Variants in PPM1E observed in about 807,000 individuals in gnomAD.
PPM1E encodes the protein protein phosphatase, Mg2+/Mn2+ dependent 1E, also known as protein phosphatase 1E.
Under a neutral mutation model 65.9 loss-of-function variants are expected in PPM1E, and 20 were observed. The ratio of observed to expected loss-of-function variants is 0.30; its 90% confidence interval spans 0.21 to 0.44. PPM1E has a LOEUF of 0.44. Ranked by LOEUF, PPM1E falls within the 20% of genes least tolerant of loss-of-function variation. The probability of loss-of-function intolerance (pLI) is 1.00; values close to 1 mark genes in which losing one functional copy is unlikely to be tolerated. For synonymous variants in PPM1E, 352 were observed against 374.9 expected, an observed-to-expected ratio of 0.94 and a Z score of 0.70; for missense variants, 713 against 953.1, an observed-to-expected ratio of 0.75 and a Z score of 3.32.
chr17:58,948,084 C>T (rs2052186691), intron 1 of PPM1E, among the ~76,000 whole-genome samples: 1 of 152,112 alleles, frequency 6.6e-6, no homozygotes, highest in Non-Finnish European at 1.5e-5. Flanking sequence ...GGGGAAGCCA[C>T]GTGGCCTTTT....
chr17:58,856,062 T>C (rs903803204), intron 1 of PPM1E, among the ~76,000 whole-genome samples: 1 of 152,214 alleles, frequency 6.6e-6, no homozygotes, highest in Non-Finnish European at 1.5e-5. Flanking sequence ...TCCAGTGAAA[T>C]CAAACTTTTG....
intron 1 of PPM1E, among the ~76,000 whole-genome samples, chr17:58,940,690 G>A (rs768532628): frequency 4.8e-4 from 72 of 151,554 alleles, no homozygotes; most frequent in Non-Finnish European, 7.9e-4. Flanking sequence ...TACAATAAAG[G>A]TTTTCAGATC....
intron 1 of PPM1E, among the ~76,000 whole-genome samples, chr17:58,782,766 A>C (rs546349774): frequency 6.6e-6 from 1 of 152,198 alleles, no homozygotes; most frequent in South Asian, 2.1e-4. Flanking sequence ...AAAAGTGACA[A>C]ACATAAGTGT....
intron 1 of PPM1E, among the ~76,000 whole-genome samples, chr17:58,787,104 G>T (rs2050107862): frequency 6.6e-6 from 1 of 152,164 alleles, no homozygotes; most frequent in African/African-American, 2.4e-5. Flanking sequence ...AAATAGTTGT[G>T]TGCATAATCA....
intron 1 of PPM1E, among the ~76,000 whole-genome samples, chr17:58,824,831 A>G (rs1308409318): frequency 1.3e-5 from 2 of 150,246 alleles, no homozygotes; most frequent in African/African-American, 4.9e-5. Context: ...GATGGTCTCA[A>G]TCTCCTGACC....
chr17:58,959,530 T>A (rs1022540012), intron 2 of PPM1E, among the ~76,000 whole-genome samples: 1 of 144,718 alleles, frequency 6.9e-6, no homozygotes, highest in Non-Finnish European at 1.5e-5. Flanking sequence ...ACCTGGGAGG[T>A]GGAGCTTGCA....
In PPM1E at chr17:58,756,423, C is replaced by T; in HGVS notation, c.426C>T (p.Gly142=). 3 of 1,354,030 alleles carry T rather than the reference C, an allele frequency of 2.2e-6. No individual in the cohort carries two copies. The highest frequency in any genetic ancestry group is 2.7e-4 in the Middle Eastern group (1 of 3,694). The allele number at this position is 1,354,030 out of a possible 1,614,324, so 83.9% of individuals were successfully genotyped here. A position where few individuals can be genotyped will look rare whatever the true frequency, so the allele number is the denominator to read the frequency against. The part of the protein sequence containing the change: ...SERITREEVE[G]ESLDLCLQQL... ...GCATCACCCGCGAGGAGGTGGAGGG[C>T]GAAAGCCTGGACCTGTGCCTGCAGC... is the stretch of plus-strand genomic sequence containing the variant. Residue 142 remains glycine, a synonymous_variant, in exon 1 of 7, where the codon GGC becomes GGT. Transcript: ENST00000308249.
At chr17:58,831,693 G>C (rs1309620818) in intron 1 of PPM1E, among the ~76,000 whole-genome samples, 1 of 152,178 alleles carries the variant, frequency 6.6e-6, no homozygotes, top group Non-Finnish European at 1.5e-5. Flanking sequence ...GAACCAGCTA[G>C]ATTCTTGATG....
At chr17:58,907,160 C>T (rs889303747) in intron 1 of PPM1E, among the ~76,000 whole-genome samples, 2 of 151,918 alleles carry the variant, frequency 1.3e-5, no homozygotes, top group East Asian at 1.9e-4. Context: ...GCAGGAGAAT[C>T]GCTTGAACCC....
chr17:58,930,397 A>C (rs2051879253), intron 1 of PPM1E, among the ~76,000 whole-genome samples: 1 of 151,994 alleles, frequency 6.6e-6, no homozygotes, highest in African/African-American at 2.4e-5. Flanking sequence ...CCAGGAGGTC[A>C]AGTCTGTAGT....
intron 1 of PPM1E, among the ~76,000 whole-genome samples, chr17:58,936,909 C>T (rs2051988674): frequency 6.6e-6 from 1 of 152,170 alleles, no homozygotes; most frequent in Non-Finnish European, 1.5e-5. Context: ...AGCCAGCTTT[C>T]ATATTCAATC....
intron 1 of PPM1E, among the ~76,000 whole-genome samples, chr17:58,944,370 A>G (rs1319657778): frequency 6.6e-6 from 1 of 152,122 alleles, no homozygotes; most frequent in African/African-American, 2.4e-5. Flanking sequence ...GCCTTTTTAA[A>G]AAAGTGTACA....
intron 1 of PPM1E, among the ~76,000 whole-genome samples, chr17:58,856,434 C>A (rs560277302): frequency 6.6e-6 from 1 of 152,028 alleles, no homozygotes; most frequent in African/African-American, 2.4e-5. Flanking sequence ...GACAGGATTT[C>A]TCCATGTTGG....
chr17:58,937,889 A>G (rs1359634186), intron 1 of PPM1E, among the ~76,000 whole-genome samples: 1 of 145,716 alleles, frequency 6.9e-6, no homozygotes, highest in East Asian at 2.0e-4. Flanking sequence ...CAAAAAAAAA[A>G]AAAAAAGAAA....
At chr17:58,812,462 T>C (rs1337175231) in intron 1 of PPM1E, among the ~76,000 whole-genome samples, 3 of 152,178 alleles carry the variant, frequency 2.0e-5, no homozygotes, top group Non-Finnish European at 4.4e-5. Context: ...TTAGTCCAAA[T>C]GTCATCTGAT....
intron 1 of PPM1E, among the ~76,000 whole-genome samples, chr17:58,790,129 G>A (rs1400219811): frequency 6.6e-6 from 1 of 152,168 alleles, no homozygotes; most frequent in Non-Finnish European, 1.5e-5. Context: ...CGTGATCATA[G>A]TTCATTACAG....
intron 1 of PPM1E, among the ~76,000 whole-genome samples, chr17:58,878,908 A>G (rs1312289056): frequency 6.6e-6 from 1 of 150,486 alleles, no homozygotes; most frequent in Non-Finnish European, 1.5e-5. Flanking sequence ...GCATCTCTAA[A>G]AAAAAAAAAG....
chr17:58,955,202 T>A (rs1296377980), intron 1 of PPM1E, among the ~76,000 whole-genome samples: 1 of 152,094 alleles, frequency 6.6e-6, no homozygotes, highest in Non-Finnish European at 1.5e-5. Flanking sequence ...CCGTCTCTAC[T>A]AAAAATACAA....
rs1229306520 is a variant in PPM1E, at chr17:58,820,418, T to A, written c.464+63957T>A. Among the ~76,000 whole-genome samples the A allele has an allele frequency of 2.6e-5, 4 of 152,196 alleles. No homozygotes were observed. In the South Asian group the frequency reaches 8.3e-4, roughly 31 times the overall value. ...TGATAATAGTGCTATCTCACAGGAT[T>A]GCTGCCAGGATTAAAGAAGATAATA... On this transcript the variant is annotated intron_variant, in intron 1 of 6. Transcript: ENST00000308249.
Sources: gnomAD v4.1 joint callset for allele counts (sites outside exome capture counted in the v4.1 genomes callset) on GRCh38, gnomAD v4.1.1 for gene constraint, MANE v1.5 for transcripts, NCBI Gene and HGNC (gene_info 2026-07-23, HGNC 2026-07-21) for gene names.